GYG2: variants seen among roughly 807,000 people sequenced by gnomAD.
GYG2 encodes the protein glycogenin 2.
GYG2 carries 29 observed loss-of-function variants against 29.4 expected under a neutral mutation model. The ratio of observed to expected loss-of-function variants is 0.99; its 90% CI spans 0.74 to 1.35. The LOEUF (loss-of-function observed/expected upper bound fraction) is 1.35. Ranked by LOEUF, GYG2 falls within the 40% of genes most tolerant of loss-of-function variation. The pLI is 0.00. For synonymous variants in GYG2, 167 were observed against 172.3 expected (o/e 0.97, Z 0.24); for missense variants, 370 against 385.7 (o/e 0.96, Z 0.34).
chrX:2,881,403 C>T lies in GYG2; in HGVS notation c.*190C>T. On this transcript the variant is annotated 3_prime_UTR_variant, in exon 11 of 11. Transcript: ENST00000398806. ...GAAATCCACCTTAAAGCCCCTCGCC[C>T]CAACTTCTCCACCAACGCCTTCTGG... The T allele has an allele frequency of 2.7e-6, 1 of 375,328 alleles. No individual in the cohort carries two copies. Among genetic ancestry groups the T allele is most frequent in the Non-Finnish European group, 4.5e-6 (1 of 223,148 alleles). 30.9% of individuals were successfully genotyped at this position (375,328 alleles called of 1,213,427 possible).
intron 8 of GYG2, 142 bp downstream of exon 8, chrX:2,861,864 C>T: frequency 2.1e-6 from 1 of 485,398 alleles, no homozygotes; most frequent in East Asian, 3.6e-5. Context: ...GCATTCAAGG[C>T]TCTGCATTTA....
At chrX:2,843,791 G>A (rs1180832494) in intron 3 of GYG2, among the ~76,000 whole-genome samples, 1 of 110,745 alleles carries the variant, frequency 9.0e-6, no homozygotes, top group Admixed American at 9.7e-5. Flanking sequence ...CCCCATGCTC[G>A]GCTATTTTTA....
At chrX:2,857,485 G>T (rs2088045000) in intron 6 of GYG2, among the ~76,000 whole-genome samples, 2 of 108,175 alleles carry the variant, frequency 1.8e-5, no homozygotes, top group South Asian at 8.1e-4. Context: ...TATCTATCTA[G>T]ATCTATCTAG....
Position 2,854,002 on chromosome X carries a change from G to A in GYG2, c.172G>A (p.Asp58Asn), listed in dbSNP as rs192438244. 17 of 1,200,890 alleles carry A rather than the reference G, an allele frequency of 1.4e-5. No individual in the cohort carries two copies. The Admixed American group carries it at 3.5e-4, about 25-fold the overall frequency. ...LLRVILSKVF[D>N]EVIEVNLIDS... ...CAGGGTCATCCTCTCGAAGGTGTTC[G>A]ATGAAGTCATTGAAGTGAATCTAAT... The change falls in exon 4 of 11, where the codon GAT becomes AAT. Residue 58 changes from aspartate (D) to asparagine (N), a missense_variant. Physicochemically the swap from Asp to Asn is conservative, Grantham distance 23. Coordinates refer to ENST00000398806, the MANE Select transcript of GYG2 (RefSeq NM_001079855.2).
chrX:2,844,786 A>ATGCC (rs1569056910), intron 3 of GYG2, among the ~76,000 whole-genome samples: 815 of 1,298 alleles, frequency 0.63, 274 homozygotes, highest in African/African-American at 0.64. Context: ...ACGTATGCAT[A>ATGCC]TATATATACA....
rs763259552 is a variant in GYG2 at position 2,844,522 on chromosome X, A to G, written c.149+1168A>G. Among the ~76,000 whole-genome samples, 434 of 85,020 alleles carry G rather than the reference A, an allele frequency of 5.1e-3. 25 individuals carry two copies. The highest frequency in any genetic ancestry group is 0.025 in the Admixed American group (195 of 7,648). The allele number at this position is 85,020 out of a possible 115,157, so 73.8% of individuals were successfully genotyped here. Reference sequence around the variant, plus strand: ...TGTGCGTATATATGTGTATACGCACACGCATGCGTATATATGTGTATACGC... The same window carrying G: ...TGTGCGTATATATGTGTATACGCACGCGCATGCGTATATATGTGTATACGC... On this transcript the variant is annotated intron_variant, in intron 3 of 10. Coordinates refer to ENST00000398806, the MANE Select transcript of GYG2 (RefSeq NM_001079855.2).
intron 3 of GYG2, among the ~76,000 whole-genome samples, chrX:2,845,597 A>G (rs10156910): frequency 0.038 from 2,140 of 56,111 alleles, 346 homozygotes; most frequent in South Asian, 0.12. Context: ...ACACATGTGT[A>G]TGTACATATA....
At chrX:2,839,560 G>A (rs1383740640) in intron 2 of GYG2, among the ~76,000 whole-genome samples, 1 of 111,371 alleles carries the variant, frequency 9.0e-6, no homozygotes, top group African/African-American at 3.3e-5. Flanking sequence ...CATGAAATAT[G>A]CAGAACAGGC....
chrX:2,868,385 A>G (rs1359381292), intron 8 of GYG2, among the ~76,000 whole-genome samples: 1 of 87,826 alleles, frequency 1.1e-5, no homozygotes, highest in Non-Finnish European at 2.1e-5. Flanking sequence ...TGAACCCGGG[A>G]GGTGGAGGTT....
Position 2,860,020 on chromosome X carries a change from T to C in GYG2, c.792T>C (p.Tyr264=), listed in dbSNP as rs1569066850. 2 of 1,202,276 alleles carry C rather than the reference T, an allele frequency of 1.7e-6. No individual in the cohort carries two copies. Among genetic ancestry groups the C allele is most frequent in the Non-Finnish European group, 2.2e-6 (2 of 889,928 alleles). The part of the protein sequence containing the change: ...TVYQNNVLPL[Y]KSVQAGEARA... ...ACCAGAACAACGTGCTGCCCCTTTA[T>C]AAAAGCGTCCAAGCGGGGGAAGCAC... Residue 264 remains tyrosine (Y), a synonymous_variant, in exon 7 of 11, where the codon TAT becomes TAC. Coordinates refer to ENST00000398806, the MANE Select transcript of GYG2 (RefSeq NM_001079855.2).
At chrX:2,877,787 C>G (rs1248465450) in intron 10 of GYG2, 1 of 744,642 alleles carries the variant, frequency 1.3e-6, no homozygotes, top group Non-Finnish European at 1.6e-6. Flanking sequence ...ACGTTCTCTC[C>G]ATTGATGCAT....
rs200105400 is a variant in GYG2, at chrX:2,871,689, CAAATAAAT to C, written c.1039-4081_1039-4074del. On this transcript the variant is annotated intron_variant, in intron 8 of 10. Transcript: ENST00000398806. ...TGGGCAACAGAACGAGACTCCGTCTCAAATAAATAAATAAATAAATAAATAAATAAATA... is the reference window on the plus strand; with the variant it reads ...TGGGCAACAGAACGAGACTCCGTCTCAAATAAATAAATAAATAAATAAATA... Among the ~76,000 whole-genome samples the C allele has an allele frequency of 2.8e-3, 278 of 99,997 alleles. 2 individuals are homozygous for C. Among genetic ancestry groups the C allele is most frequent in the African/African-American group, 8.6e-3 (233 of 27,209 alleles). The allele number at this position is 99,997 out of a possible 115,157, so 86.8% of individuals were successfully genotyped here.
At position 2,843,268 on chromosome X, in the gene GYG2, C is replaced by A; in HGVS notation, c.63C>A (p.Ala21=). 3.3e-6 allele frequency: 4 copies of A among 1,194,103 alleles called. No homozygotes were observed. The highest frequency in any genetic ancestry group is 4.5e-6 in the Non-Finnish European group (4 of 879,747). ...LATNDIYCQG[A]LVLGQSLRRH... ...CCAATGACATCTACTGCCAGGGCGC[C>A]CTGGTCCTGGGGCAGTCACTGAGGA... The change falls in exon 3 of 11, where the codon GCC becomes GCA. Residue 21 remains alanine, a synonymous_variant. Coordinates refer to ENST00000398806, the MANE Select transcript of GYG2 (RefSeq NM_001079855.2).
At position 2,839,445 on chromosome X, in the gene GYG2, T is replaced by G. The variant is rs866957729; in HGVS notation, c.8-3768T>G. On this transcript the variant is annotated intron_variant, in intron 2 of 10. Transcript: ENST00000398806. Reference sequence around the variant, plus strand: ...TGCTTGGAAGATTCCTGGTTTACACTTTTAATTACGTGATTGAATTGATGA... The same window carrying G: ...TGCTTGGAAGATTCCTGGTTTACACGTTTAATTACGTGATTGAATTGATGA... Among the ~76,000 whole-genome samples, 4 of 111,280 alleles carry G rather than the reference T, an allele frequency of 3.6e-5. No individual in the cohort carries two copies. The Admixed American group carries it at 3.9e-4, about 11-fold the overall frequency.
intron 9 of GYG2, among the ~76,000 whole-genome samples, chrX:2,876,766 G>A (rs988478476): frequency 2.8e-5 from 3 of 108,654 alleles, no homozygotes; most frequent in African/African-American, 1.0e-4. Context: ...GGCTAACACG[G>A]TGAAACCCCC....
intron 6 of GYG2, among the ~76,000 whole-genome samples, chrX:2,858,476 A>C (rs181711282): frequency 7.7e-4 from 85 of 111,035 alleles, no homozygotes; most frequent in African/African-American, 2.6e-3. Flanking sequence ...GGAGAAAAAA[A>C]AAAGAAAGAA....
chrX:2,857,290 T>TATCTATCTATCTATCTATCTATC (rs1555898987), intron 6 of GYG2, among the ~76,000 whole-genome samples: 1 of 34,065 alleles, frequency 2.9e-5, no homozygotes, highest in Non-Finnish European at 4.8e-5. Context: ...TATAAACATC[T>TATCTATCTATCTATCTATCTATC]TATCTATCTA....
intron 8 of GYG2, among the ~76,000 whole-genome samples, chrX:2,871,457 G>C (rs2088467278): frequency 9.0e-6 from 1 of 110,516 alleles, no homozygotes; most frequent in Admixed American, 9.7e-5. Context: ...GTGAGGCCAA[G>C]GCAGGCAGAT....
intron 10 of GYG2, chrX:2,878,232 A>G: frequency 1.4e-6 from 1 of 733,157 alleles, no homozygotes; most frequent in Non-Finnish European, 1.6e-6. Context: ...CAGCTCAGCC[A>G]TGTGGTAGGT....
Sources: allele counts gnomAD v4.1 joint callset (sites outside exome capture counted in the v4.1 genomes callset), GRCh38; gene constraint gnomAD v4.1.1; transcripts MANE v1.5; gene names NCBI Gene and HGNC (gene_info 2026-07-23, HGNC 2026-07-21).